DAG1: variants seen among roughly 807,000 people sequenced by gnomAD.
The protein encoded by DAG1 is dystroglycan 1 (dystrophin-associated glycoprotein 1).
A neutral mutation model predicts 46.1 loss-of-function variants in DAG1; 8 were observed. The ratio of observed to expected loss-of-function variants is 0.17; its 90% CI spans 0.10 to 0.31. The LOEUF is 0.31. DAG1 is among the 10% of genes least tolerant of loss of function. The pLI, the probability that DAG1 is intolerant of heterozygous loss-of-function variation, is 1.00. For synonymous variants in DAG1, 495 were observed against 481.8 expected, an observed-to-expected ratio of 1.03 and a Z score of -0.36; for missense variants, 1,003 against 1,189.9, an observed-to-expected ratio of 0.84 and a Z score of 2.31.
At chr3:49,515,755 C>T (rs1382772185) in intron 2 of DAG1, among the ~76,000 whole-genome samples, 2 of 152,110 alleles carry the variant, frequency 1.3e-5, no homozygotes, top group African/African-American at 4.8e-5. Flanking sequence ...GAGGCGACCC[C>T]AGTCATCTTG....
At chr3:49,483,456 G>T (rs926729724) in intron 1 of DAG1, among the ~76,000 whole-genome samples, 1 of 151,970 alleles carries the variant, frequency 6.6e-6, no homozygotes, top group Non-Finnish European at 1.5e-5. Flanking sequence ...TGCCTGCCTC[G>T]GCCTTCTAAA....
At chr3:49,523,907 GA>G (rs1410714530) in intron 2 of DAG1, among the ~76,000 whole-genome samples, 1 of 152,234 alleles carries the variant, frequency 6.6e-6, no homozygotes, top group African/African-American at 2.4e-5. Flanking sequence ...CGCAGTGAAA[GA>G]TGGGCCTTCT....
At chr3:49,519,908 G>C (rs193138514) in intron 2 of DAG1, among the ~76,000 whole-genome samples, 2 of 152,328 alleles carry the variant, frequency 1.3e-5, no homozygotes, top group East Asian at 3.9e-4. Context: ...GATGAGAACA[G>C]TGAACATGAG....
At chr3:49,478,044 A>G (rs1251351814) in intron 1 of DAG1, among the ~76,000 whole-genome samples, 1 of 151,844 alleles carries the variant, frequency 6.6e-6, no homozygotes, top group African/African-American at 2.4e-5. Flanking sequence ...AGGCGGGTAC[A>G]TCATTTTAGG....
Position 49,495,561 on chromosome 3 carries a change from G to A in DAG1, c.-116-14858G>A, listed in dbSNP as rs936318173. Among the ~76,000 whole-genome samples the A allele has an allele frequency of 4.6e-5, 7 of 152,168 alleles. 1 individual carries two copies. Among genetic ancestry groups the A allele is most frequent in the Admixed American group, 4.6e-4 (7 of 15,264 alleles). ...TTCCCACTTGGATTCTGCTGAGGCT[G>A]GCCACCCACCTCTCAGACTTATTCC... On this transcript the variant is annotated intron_variant, in intron 1 of 2. Coordinates refer to ENST00000308775, the MANE Select transcript of DAG1 (RefSeq NM_004393.6).
At chr3:49,488,366 A>T (rs1300443963) in intron 1 of DAG1, among the ~76,000 whole-genome samples, 5 of 152,228 alleles carry the variant, frequency 3.3e-5, no homozygotes, top group Admixed American at 6.5e-5. Flanking sequence ...CATTTTGCCA[A>T]ATCTAACAAT....
rs985222159 is a variant in DAG1, at chr3:49,508,526, G to A, written c.-116-1893G>A. Among the ~76,000 whole-genome samples, 3 of 152,072 alleles carry A rather than the reference G, an allele frequency of 2.0e-5. 1 individual carries two copies. The East Asian group carries it at 5.8e-4, about 29-fold the overall frequency. On this transcript the variant is annotated intron_variant, in intron 1 of 2. Coordinates refer to ENST00000308775, the MANE Select transcript of DAG1 (RefSeq NM_004393.6). ...GGATTCTCCTGCCTCAGCCTCCTAA[G>A]TAGCTGCGACTTCAGGCGTGCACCA...
chr3:49,491,365 G>A (rs1007686241), intron 1 of DAG1, among the ~76,000 whole-genome samples: 1 of 148,174 alleles, frequency 6.7e-6, no homozygotes, highest in African/African-American at 2.5e-5. Context: ...AGGTTGGAAT[G>A]CAGTGGCGTG....
chr3:49,505,500 T>C (rs2050580751), intron 1 of DAG1, among the ~76,000 whole-genome samples: 1 of 152,192 alleles, frequency 6.6e-6, no homozygotes, highest in Admixed American at 6.5e-5. Context: ...TATATAGAAA[T>C]ACAATTGATT....
Position 49,533,166 on chromosome 3 carries a change from A to G in DAG1, c.2655A>G (p.Pro885=). The G allele has an allele frequency of 5.6e-6, 9 of 1,613,850 alleles. No homozygotes were observed. The highest frequency in any genetic ancestry group is 7.6e-6 in the Non-Finnish European group (9 of 1,180,008). The part of the protein sequence containing the change: ...GKGSRPKNMT[P]YRSPPPYVPP ...GCTCCCGTCCCAAGAACATGACCCC[A>G]TACCGGTCACCTCCTCCCTATGTCC... The change falls in exon 3 of 3, where the codon CCA becomes CCG. Residue 885 remains proline, a synonymous_variant. Coordinates refer to ENST00000308775, the MANE Select transcript of DAG1 (RefSeq NM_004393.6).
chr3:49,514,817 G>A (rs1407907197), intron 2 of DAG1, among the ~76,000 whole-genome samples: 3 of 151,716 alleles, frequency 2.0e-5, no homozygotes, highest in Middle Eastern at 3.4e-3. Flanking sequence ...GTGTGTGTGT[G>A]TGTGTGTGTG....
intron 2 of DAG1, among the ~76,000 whole-genome samples, chr3:49,513,267 T>C (rs1371851839): frequency 6.6e-6 from 1 of 152,128 alleles, no homozygotes; most frequent in Non-Finnish European, 1.5e-5. Context: ...TTGATTCCTC[T>C]TCATGTAGAC....
At position 49,510,741 on chromosome 3, in the gene DAG1, T is replaced by C. The variant is rs750277960; in HGVS notation, c.207T>C (p.Asp69=). 3.1e-6 allele frequency: 5 copies of C among 1,614,202 alleles called. No individual in the cohort carries two copies. The South Asian group carries it at 5.5e-5, about 18-fold the overall frequency. ...EAVPTVVGIP[D]GTAVVGRSFR... Reference sequence around the variant, plus strand: ...TTCCCACAGTGGTTGGCATTCCTGATGGCACGGCTGTCGTCGGGCGCTCAT... The same window carrying C: ...TTCCCACAGTGGTTGGCATTCCTGACGGCACGGCTGTCGTCGGGCGCTCAT... The change falls in exon 2 of 3, where the codon GAT becomes GAC. Residue 69 remains aspartate (D), a synonymous_variant. Coordinates refer to ENST00000308775, the MANE Select transcript of DAG1 (RefSeq NM_004393.6).
Position 49,470,272 on chromosome 3 carries a change from C to T in DAG1, c.-278C>T, listed in dbSNP as rs1559541531. The stretch of plus-strand genomic sequence containing the variant: ...CTTGCGCTCAGCGCCCTCTCACCGC[C>T]CGGTACGTGCTCGCGCGAAGGCTGC... On this transcript the variant is annotated 5_prime_UTR_variant, in exon 1 of 3. Coordinates refer to ENST00000308775, the MANE Select transcript of DAG1 (RefSeq NM_004393.6). The T allele has an allele frequency of 2.0e-5, 3 of 152,092 alleles. No individual in the cohort carries two copies. Among genetic ancestry groups the T allele is most frequent in the Admixed American group, 6.5e-5 (1 of 15,278 alleles). The allele number at this position is 152,092 out of a possible 1,614,324, so 9.4% of individuals were successfully genotyped here.
At chr3:49,486,162 A>T (rs1362045621) in intron 1 of DAG1, among the ~76,000 whole-genome samples, 1 of 151,632 alleles carries the variant, frequency 6.6e-6, no homozygotes, top group African/African-American at 2.4e-5. Flanking sequence ...TGCAAGAGAG[A>T]TTTATACCAC....
rs1013776520 is a variant in DAG1 at position 49,533,391 on chromosome 3, T to C, written c.*192T>C. 3 of 839,578 alleles carry C rather than the reference T, an allele frequency of 3.6e-6. No individual in the cohort carries two copies. Among genetic ancestry groups the C allele is most frequent in the African/African-American group, 1.7e-5 (1 of 59,712 alleles). The allele number at this position is 839,578 out of a possible 1,614,324, so 52.0% of individuals were successfully genotyped here. ...AAACCCCAAAGCAGCTGGAGAGACT[T>C]TGGGGACTTTTTTATTTTTATTTTT... On this transcript the variant is annotated 3_prime_UTR_variant, in exon 3 of 3. Coordinates refer to ENST00000308775, the MANE Select transcript of DAG1 (RefSeq NM_004393.6).
chr3:49,517,369 G>C (rs1178318348), intron 2 of DAG1, among the ~76,000 whole-genome samples: 1 of 152,106 alleles, frequency 6.6e-6, no homozygotes, highest in Non-Finnish European at 1.5e-5. Flanking sequence ...TTGTGTGTCA[G>C]CATGCTTTGG....
intron 1 of DAG1, among the ~76,000 whole-genome samples, chr3:49,474,242 G>T (rs1296617002): frequency 6.6e-6 from 1 of 151,802 alleles, no homozygotes; most frequent in African/African-American, 2.4e-5. Context: ...TTTTAGTCGA[G>T]ATGGGGTTTC....
At chr3:49,485,073 G>A (rs1163742846) in intron 1 of DAG1, among the ~76,000 whole-genome samples, 1 of 149,026 alleles carries the variant, frequency 6.7e-6, no homozygotes, top group Non-Finnish European at 1.5e-5. Context: ...TGCAAGCTCC[G>A]CCTCCCGGGT....
Sources: gnomAD v4.1 joint callset for allele counts (sites outside exome capture counted in the v4.1 genomes callset) on GRCh38, gnomAD v4.1.1 for gene constraint, MANE v1.5 for transcripts, NCBI Gene and HGNC (gene_info 2026-07-23, HGNC 2026-07-21) for gene names.